DNAH3: variants seen among roughly 807,000 people sequenced by gnomAD.
DNAH3 encodes the protein dynein axonemal heavy chain 3, also known as axonemal beta dynein heavy chain 3.
In DNAH3, 332 loss-of-function variants were observed where a neutral mutation model predicts 432.5. The observed-to-expected ratio is 0.77, with a 90% CI of 0.70 to 0.84. The LOEUF is 0.84. DNAH3 is among the 40% of genes least tolerant of loss of function. The pLI is 0.00. For missense variants in DNAH3, 4,861 were observed against 5,114.0 expected, an observed-to-expected ratio of 0.95 and a Z score of 1.51; for synonymous variants, 1,956 against 1,900.2, an observed-to-expected ratio of 1.03 and a Z score of -0.76.
chr16:21,046,764 C>T (rs1285987041), intron 31 of DNAH3, among the ~76,000 whole-genome samples: 1 of 151,944 alleles, frequency 6.6e-6, no homozygotes, highest in Non-Finnish European at 1.5e-5. Context: ...CAGTTTCTTC[C>T]TAGTCTCGAT....
chr16:21,135,892 ATTG>A (rs1567854503), intron 6 of DNAH3, among the ~76,000 whole-genome samples: 1 of 151,312 alleles, frequency 6.6e-6, no homozygotes, highest in Non-Finnish European at 1.5e-5. Flanking sequence ...AAAAAAAAAA[ATTG>A]TTTTAAACTT....
intron 41 of DNAH3, among the ~76,000 whole-genome samples, chr16:21,018,447 T>A (rs2087973712): frequency 6.6e-6 from 1 of 152,162 alleles, no homozygotes; most frequent in African/African-American, 2.4e-5. Flanking sequence ...AATGTCTTAC[T>A]TGGGTGGTAG....
At chr16:20,952,306 G>A (rs1307225337) in intron 56 of DNAH3, 127 bp downstream of exon 56, 1 of 646,318 alleles carries the variant, frequency 1.5e-6, no homozygotes, top group African/African-American at 1.8e-5. Context: ...ACCAGCATTA[G>A]TAAGAGCTCG....
At position 20,983,890 on chromosome 16, in the gene DNAH3, C is replaced by T. The variant is rs73534337; in HGVS notation, c.7666-976G>A. ...AAAATGGAAAAAATTAGCTGGGCAT[C>T]GTGGTGTGTGCCTGTAGTCCCATGT... On this transcript the variant is annotated intron_variant, in intron 48 of 61. Transcript: ENST00000261383. 1.8e-3 allele frequency among the ~76,000 whole-genome samples: 272 copies of T among 151,810 alleles called. 1 individual carries two copies. The highest frequency in any genetic ancestry group is 5.7e-3 in the African/African-American group (236 of 41,394).
chr16:21,151,520 T>A (rs1209770383), intron 1 of DNAH3, among the ~76,000 whole-genome samples: 1 of 151,876 alleles, frequency 6.6e-6, no homozygotes, highest in Non-Finnish European at 1.5e-5. Context: ...ATGGTCTCAA[T>A]CTCCTGACCT....
At chr16:21,156,692 C>T (rs955954511) in intron 1 of DNAH3, among the ~76,000 whole-genome samples, 1 of 152,052 alleles carries the variant, frequency 6.6e-6, no homozygotes, top group Non-Finnish European at 1.5e-5. Flanking sequence ...GGAGAGGCTG[C>T]GCGTGGATTT....
intron 11 of DNAH3, among the ~76,000 whole-genome samples, chr16:21,119,204 C>G (rs1323729611): frequency 6.6e-6 from 1 of 152,142 alleles, no homozygotes; most frequent in African/African-American, 2.4e-5. Context: ...TGACAGATCA[C>G]AAGTGGGCAG....
intron 10 of DNAH3, among the ~76,000 whole-genome samples, chr16:21,121,596 T>C (rs2092341874): frequency 6.6e-6 from 1 of 151,780 alleles, no homozygotes; most frequent in Admixed American, 6.6e-5. Context: ...TTTTTTTTTT[T>C]TCTTTTTTCT....
At chr16:21,117,100 T>C in intron 12 of DNAH3, 103 bp downstream of exon 12, 1 of 707,656 alleles carries the variant, frequency 1.4e-6, no homozygotes, top group Non-Finnish European at 2.4e-6. Flanking sequence ...ACTATGTATG[T>C]GTTCAGGTGT....
intron 58 of DNAH3, 119 bp downstream of exon 58, chr16:20,944,377 G>T: frequency 1.7e-6 from 2 of 1,200,154 alleles, no homozygotes; most frequent in Non-Finnish European, 2.4e-6. Context: ...CCTGCCCTTG[G>T]CCAGGAGGCT....
intron 7 of DNAH3, among the ~76,000 whole-genome samples, chr16:21,131,300 T>G (rs568515985): frequency 2.1e-4 from 32 of 151,624 alleles, no homozygotes; most frequent in Middle Eastern, 6.8e-3. Flanking sequence ...CACCACACCC[T>G]GGGTGACAGA....
intron 30 of DNAH3, 52 bp from the exon 31 acceptor site, chr16:21,049,734 G>T: frequency 6.5e-7 from 1 of 1,534,288 alleles, no homozygotes; most frequent in Non-Finnish European, 9.0e-7. Context: ...CATCCCATCT[G>T]AATTACCCCG....
intron 37 of DNAH3, among the ~76,000 whole-genome samples, chr16:21,028,273 G>A (rs759783948): frequency 1.3e-5 from 2 of 151,976 alleles, no homozygotes; most frequent in Non-Finnish European, 2.9e-5. Flanking sequence ...CAAACTCCTG[G>A]GCTCAAGCAA....
chr16:20,983,297 T>C (rs2086005548), intron 48 of DNAH3, among the ~76,000 whole-genome samples: 1 of 152,094 alleles, frequency 6.6e-6, no homozygotes, highest in Non-Finnish European at 1.5e-5. Flanking sequence ...AGCTAATTTT[T>C]GTATTTTTAG....
chr16:21,070,628 TG>T (rs1314829819), intron 22 of DNAH3, 81 bp downstream of exon 22: 1 of 831,506 alleles, frequency 1.2e-6, no homozygotes, highest in Non-Finnish European at 2.1e-6. Flanking sequence ...CTTTGTTAAC[TG>T]AACGTGAAAA....
chr16:21,089,358 A>G (rs934115217), intron 18 of DNAH3, among the ~76,000 whole-genome samples: 2 of 152,216 alleles, frequency 1.3e-5, no homozygotes, highest in Non-Finnish European at 2.9e-5. Context: ...GACTTTTAAC[A>G]AAGGCAGCTT....
At chr16:21,062,282 G>C (rs1263060980) in intron 25 of DNAH3, among the ~76,000 whole-genome samples, 200 bp downstream of exon 25, 2 of 152,134 alleles carry the variant, frequency 1.3e-5, no homozygotes, top group African/African-American at 4.8e-5. Context: ...GTGGATTGCA[G>C]TGGAATCCCC....
chr16:20,999,712 T>C (rs2086925014), intron 43 of DNAH3, among the ~76,000 whole-genome samples: 1 of 152,194 alleles, frequency 6.6e-6, no homozygotes, highest in Non-Finnish European at 1.5e-5. Context: ...CACAGGGTTG[T>C]GGGGCTCAAG....
intron 41 of DNAH3, among the ~76,000 whole-genome samples, chr16:21,012,210 C>T (rs1302349704): frequency 2.6e-5 from 4 of 152,016 alleles, no homozygotes; most frequent in Non-Finnish European, 2.9e-5. Flanking sequence ...AAGACCAAAG[C>T]CCCAAAACAA....
Sources: gnomAD v4.1 joint callset for allele counts (sites outside exome capture counted in the v4.1 genomes callset) on GRCh38, gnomAD v4.1.1 for gene constraint, MANE v1.5 for transcripts, NCBI Gene and HGNC (gene_info 2026-07-23, HGNC 2026-07-21) for gene names.